The following CDC42SE2 variants were observed in gnomAD, a reference collection of about 807,000 sequenced individuals.
The protein encoded by CDC42SE2 is CDC42 small effector 2, also known as CDC42 small effector protein 2.
In CDC42SE2, 3 loss-of-function variants were observed where a neutral mutation model predicts 11.5. The ratio of observed to expected loss-of-function variants is 0.26; its 90% confidence interval spans 0.12 to 0.67. CDC42SE2 has a LOEUF of 0.67. CDC42SE2 is among the 30% of genes least tolerant of loss of function. The pLI is 0.80. For synonymous variants in CDC42SE2, 33 were observed against 34.8 expected, an observed-to-expected ratio of 0.95 and a Z score of 0.18; for missense variants, 82 against 106.8, an observed-to-expected ratio of 0.77 and a Z score of 1.02.
intron 3 of CDC42SE2, 80 bp from the exon 4 acceptor site, chr5:131,385,458 TATTAA>T (rs1421606580): frequency 2.2e-6 from 2 of 914,190 alleles, no homozygotes; most frequent in African/African-American, 3.3e-5. Flanking sequence ...TTGGCAAATT[TATTAA>T]ACAGTCATAG....
At chr5:131,364,966 A>T (rs564944909) in intron 3 of CDC42SE2, among the ~76,000 whole-genome samples, 3 of 152,140 alleles carry the variant, frequency 2.0e-5, no homozygotes, top group Admixed American at 6.6e-5. Context: ...ACAGCTAAGG[A>T]TTGCTATAAG....
At chr5:131,217,801 A>G in the CDC42SE2 span, among the ~76,000 whole-genome samples, 30 of 152,348 alleles carry the variant, frequency 2.0e-4, no homozygotes, top group Non-Finnish European at 4.0e-4. Context: ...TAGAATGGAA[A>G]AAGATATTTG....
intron 1 of CDC42SE2, among the ~76,000 whole-genome samples, chr5:131,312,023 C>CT (rs1416213765): frequency 2.6e-5 from 4 of 152,134 alleles, no homozygotes; most frequent in Admixed American, 2.6e-4. Context: ...AGGCGCTCTG[C>CT]TTTTTAGAGT....
chr5:131,344,707 T>G (rs1323470034), intron 2 of CDC42SE2, among the ~76,000 whole-genome samples: 1 of 152,224 alleles, frequency 6.6e-6, no homozygotes, highest in East Asian at 1.9e-4. Context: ...CCTCCTCAAG[T>G]GGGTCCCTGA....
chr5:131,354,101 A>G (rs1405360423), intron 2 of CDC42SE2, among the ~76,000 whole-genome samples: 1 of 151,912 alleles, frequency 6.6e-6, no homozygotes, highest in African/African-American at 2.4e-5. Flanking sequence ...TTAACTGGAC[A>G]TGATGGCACA....
At chr5:131,243,840 T>C (rs977316665), upstream of CDC42SE2, among the ~76,000 whole-genome samples, 2 of 152,246 alleles carry the variant, frequency 1.3e-5, no homozygotes, top group Non-Finnish European at 2.9e-5. Context: ...CTGAAATTCC[T>C]GCTGCCCAGG....
intron 1 of CDC42SE2, among the ~76,000 whole-genome samples, chr5:131,314,277 G>A (rs1162554253): frequency 1.3e-5 from 2 of 150,990 alleles, no homozygotes; most frequent in East Asian, 3.9e-4. Flanking sequence ...TGTTGCCGGG[G>A]TTGGAGTTCA....
intron 2 of CDC42SE2, among the ~76,000 whole-genome samples, chr5:131,346,071 A>G (rs866181000): frequency 6.6e-6 from 1 of 152,234 alleles, no homozygotes; most frequent in Admixed American, 6.5e-5. Context: ...AAGACTATCA[A>G]TGCTAGGAAG....
At chr5:131,270,955 G>T (rs1756983071) in intron 1 of CDC42SE2, among the ~76,000 whole-genome samples, 1 of 152,056 alleles carries the variant, frequency 6.6e-6, no homozygotes, top group East Asian at 1.9e-4. Flanking sequence ...GGGGGAAGGT[G>T]GGGGAAGGTA....
At chr5:131,278,377 T>C (rs1334718477) in intron 1 of CDC42SE2, among the ~76,000 whole-genome samples, 1 of 152,114 alleles carries the variant, frequency 6.6e-6, no homozygotes, top group African/African-American at 2.4e-5. Context: ...ATTATTCCGA[T>C]AAAAGCCTGT....
chr5:131,365,752 G>A (rs570839412), intron 3 of CDC42SE2, among the ~76,000 whole-genome samples: 12 of 152,300 alleles, frequency 7.9e-5, no homozygotes, highest in Admixed American at 6.5e-4. Flanking sequence ...GGAGGCCAAG[G>A]CGGGCGGATC....
chr5:131,340,537 T>G lies in CDC42SE2; in HGVS notation c.-285-18672T>G, dbSNP rs576102945. ...TCTGGGTGAAGGATACATGGGAGAT[T>G]TCTGTTCTGTATTAGTAACTCGGCT... is the stretch of plus-strand genomic sequence containing the variant. On this transcript the variant is annotated intron_variant, in intron 2 of 4. Transcript: ENST00000505065. 6.6e-5 allele frequency among the ~76,000 whole-genome samples: 10 copies of G among 152,282 alleles called. No homozygotes were observed. In the East Asian group the frequency reaches 1.9e-3, roughly 29 times the overall value.
chr5:131,337,353 C>T (rs956780328), intron 2 of CDC42SE2, among the ~76,000 whole-genome samples: 3 of 152,178 alleles, frequency 2.0e-5, no homozygotes, highest in Non-Finnish European at 1.5e-5. Flanking sequence ...GAGTACCCGG[C>T]CACATGAGGT....
At chr5:131,311,216 G>T (rs1318586558) in intron 1 of CDC42SE2, among the ~76,000 whole-genome samples, 35 of 151,436 alleles carry the variant, frequency 2.3e-4, no homozygotes, top group Admixed American at 2.3e-3. Flanking sequence ...TAGTTTGGCT[G>T]GATATGCAAT....
At chr5:131,314,818 T>C (rs1758006458) in intron 1 of CDC42SE2, among the ~76,000 whole-genome samples, 1 of 152,176 alleles carries the variant, frequency 6.6e-6, no homozygotes, top group Admixed American at 6.5e-5. Context: ...TTTAATGAAA[T>C]TCATTTTTCC....
chr5:131,379,781 A>G (rs185608826), intron 3 of CDC42SE2, among the ~76,000 whole-genome samples: 105 of 152,290 alleles, frequency 6.9e-4, no homozygotes, highest in African/African-American at 2.5e-3. Context: ...AGTTTCCTAT[A>G]AAGAATTTGT....
chr5:131,312,930 G>A (rs1057007871), intron 1 of CDC42SE2, among the ~76,000 whole-genome samples: 4 of 151,988 alleles, frequency 2.6e-5, no homozygotes, highest in Admixed American at 6.6e-5. Context: ...ATCTGTAGAC[G>A]GGAGCTGTTC....
intron 3 of CDC42SE2, among the ~76,000 whole-genome samples, chr5:131,375,930 C>CCT (rs573657320): frequency 2.1e-4 from 32 of 152,172 alleles, no homozygotes; most frequent in Middle Eastern, 3.4e-3. Context: ...ATATCCAGGA[C>CCT]CTGGACACTG....
intron 2 of CDC42SE2, among the ~76,000 whole-genome samples, chr5:131,346,136 G>A (rs1318839354): frequency 3.3e-5 from 5 of 152,094 alleles, no homozygotes; most frequent in Non-Finnish European, 7.4e-5. Flanking sequence ...TGACAGGATC[G>A]AATTCACACA....
Sources: allele counts gnomAD v4.1 joint callset (sites outside exome capture counted in the v4.1 genomes callset), GRCh38; gene constraint gnomAD v4.1.1; transcripts MANE v1.5; gene names NCBI Gene and HGNC (gene_info 2026-07-23, HGNC 2026-07-21).